ATP11A: variants seen among roughly 807,000 people sequenced by gnomAD.
The protein encoded by ATP11A is ATPase phospholipid transporting 11A, also known as phospholipid-transporting ATPase IH.
Under a neutral mutation model 154.4 loss-of-function variants are expected in ATP11A, and 81 were observed. That is an observed-to-expected ratio of 0.52 (90% CI 0.44 to 0.63). The LOEUF (loss-of-function observed/expected upper bound fraction) is 0.63, where lower values mean the gene tolerates loss of function less well. ATP11A is among the 30% of genes least tolerant of loss of function. ATP11A has a pLI of 0.00. For synonymous variants in ATP11A, 623 were observed against 585.9 expected (o/e 1.06, Z -0.91); for missense variants, 1,316 against 1,474.3 (o/e 0.89, Z 1.76).
intron 1 of ATP11A, among the ~76,000 whole-genome samples, chr13:112,743,635 T>A (rs1162364590): frequency 1.1e-4 from 17 of 152,184 alleles, no homozygotes; most frequent in Admixed American, 1.1e-3. Flanking sequence ...ACCTGTGCGA[T>A]GTTGCAGGTT....
chr13:112,771,110 A>T (rs1003963273), intron 1 of ATP11A, among the ~76,000 whole-genome samples: 13 of 152,178 alleles, frequency 8.5e-5, no homozygotes, highest in South Asian at 4.1e-4. Context: ...GCCTATTTTT[A>T]AAAAATCTCC....
chr13:112,780,166 A>G (rs374801771), intron 1 of ATP11A, among the ~76,000 whole-genome samples: 17 of 152,246 alleles, frequency 1.1e-4, no homozygotes, highest in African/African-American at 4.1e-4. Flanking sequence ...TTACTGAGGT[A>G]TAATTCACAT....
chr13:112,875,005 T>C lies in ATP11A; in HGVS notation c.3162-771T>C, dbSNP rs1164968080. Among the ~76,000 whole-genome samples the C allele has an allele frequency of 1.3e-5, 2 of 152,190 alleles. No homozygotes were observed. Among genetic ancestry groups the C allele is most frequent in the Non-Finnish European group, 2.9e-5 (2 of 68,028 alleles). ...TCTTTGATGTGCTGGGAGCTCACCATGTCACCACCGCTTGGTGATGAGACC... is the reference window on the plus strand; with the variant it reads ...TCTTTGATGTGCTGGGAGCTCACCACGTCACCACCGCTTGGTGATGAGACC... On this transcript the variant is annotated intron_variant, in intron 27 of 29. Coordinates refer to ENST00000375645, the MANE Select transcript of ATP11A (RefSeq NM_015205.3). The surrounding 1 kb of genome is among the most constrained non-coding windows in gnomAD (Gnocchi z 4.1).
At chr13:112,770,840 C>T (rs2077208950) in intron 1 of ATP11A, among the ~76,000 whole-genome samples, 1 of 152,224 alleles carries the variant, frequency 6.6e-6, no homozygotes, top group Non-Finnish European at 1.5e-5. Context: ...CCACGATCTT[C>T]TGACCATCAA....
rs1243958361 is a variant in ATP11A at position 112,885,462 on chromosome 13, CAT to C, written c.*3597_*3598del. On this transcript the variant is annotated 3_prime_UTR_variant, in exon 30 of 30. Transcript: ENST00000375645. ...TAAACACACGTGCACACATCGTACA[CAT>C]GTGAGCTCCCACACGTACACACAGA... The C allele has an allele frequency of 4.6e-5, 7 of 152,262 alleles. No homozygotes were observed. Among genetic ancestry groups the C allele is most frequent in the Non-Finnish European group, 7.3e-5 (5 of 68,082 alleles). 9.4% of individuals were successfully genotyped at this position (152,262 alleles called of 1,614,324 possible). A position where few individuals can be genotyped will look rare whatever the true frequency, so the allele number is the denominator to read the frequency against.
At chr13:112,730,406 C>T (rs1003250078) in intron 1 of ATP11A, among the ~76,000 whole-genome samples, 1 of 152,230 alleles carries the variant, frequency 6.6e-6, no homozygotes. Flanking sequence ...CTCAAAGAGC[C>T]AGCTGAGCCC....
rs761491311 is a variant in ATP11A, at chr13:112,853,549, G to T, written c.1992-730G>T. 2.0e-5 allele frequency among the ~76,000 whole-genome samples: 3 copies of T among 152,192 alleles called. 1 individual carries two copies. The highest frequency in any genetic ancestry group is 4.4e-5 in the Non-Finnish European group (3 of 68,042). On this transcript the variant is annotated intron_variant, in intron 18 of 29. Coordinates refer to ENST00000375645, the MANE Select transcript of ATP11A (RefSeq NM_015205.3). The stretch of plus-strand genomic sequence containing the variant: ...GTGAGGCAGACATGGTTTGACCCCA[G>T]ATCTCCCAAGGAGAGGGCAGTGGTC...
At chr13:112,720,517 G>A (rs1427703531) in intron 1 of ATP11A, among the ~76,000 whole-genome samples, 1 of 152,174 alleles carries the variant, frequency 6.6e-6, no homozygotes, top group Non-Finnish European at 1.5e-5. Context: ...GGAGACCGGG[G>A]CTTTATCACG....
chr13:112,882,085 G>A lies in ATP11A; in HGVS notation c.*219G>A. Reference sequence around the variant, plus strand: ...TGTGATGGATGGTCCTAAGCCTGTGGAGACTGTGCACGTGCCTCTTCCTGG... The same window carrying A: ...TGTGATGGATGGTCCTAAGCCTGTGAAGACTGTGCACGTGCCTCTTCCTGG... On this transcript the variant is annotated 3_prime_UTR_variant, in exon 30 of 30. Coordinates refer to ENST00000375645, the MANE Select transcript of ATP11A (RefSeq NM_015205.3). The surrounding 1 kb of genome is among the most constrained non-coding windows in gnomAD (Gnocchi z 5.1). The A allele has an allele frequency of 7.3e-7, 1 of 1,364,138 alleles. No individual in the cohort carries two copies. Among genetic ancestry groups the A allele is most frequent in the Admixed American group, 1.9e-5 (1 of 52,544 alleles). 84.5% of individuals were successfully genotyped at this position (1,364,138 alleles called of 1,614,324 possible). A position where few individuals can be genotyped will look rare whatever the true frequency, so the allele number is the denominator to read the frequency against.
At chr13:112,701,662 C>T (rs1482905795) in intron 1 of ATP11A, among the ~76,000 whole-genome samples, 2 of 151,970 alleles carry the variant, frequency 1.3e-5, no homozygotes, top group African/African-American at 4.8e-5. Context: ...GAAACCCCGT[C>T]TTTCCTAAAA....
chr13:112,831,930 CAG>C (rs2079099906), intron 13 of ATP11A, among the ~76,000 whole-genome samples: 1 of 142,210 alleles, frequency 7.0e-6, no homozygotes, highest in African/African-American at 2.9e-5. Flanking sequence ...TGTGCACACA[CAG>C]ACACACATGC....
chr13:112,834,780 T>A, intron 15 of ATP11A, 120 bp downstream of exon 15: 1 of 750,290 alleles, frequency 1.3e-6, no homozygotes, highest in Non-Finnish European at 2.2e-6. Flanking sequence ...TCGCTTCCTC[T>A]CCTTCCCAGT....
chr13:112,780,062 A>T (rs941344118), intron 1 of ATP11A, among the ~76,000 whole-genome samples: 8 of 151,932 alleles, frequency 5.3e-5, no homozygotes, highest in Admixed American at 5.3e-4. Context: ...TGCCAAGGTG[A>T]CTGTTAGGTT....
chr13:112,869,139 G>A (rs2080431432), intron 25 of ATP11A, among the ~76,000 whole-genome samples: 1 of 152,178 alleles, frequency 6.6e-6, no homozygotes, highest in African/African-American at 2.4e-5. Flanking sequence ...CCCACTTCAG[G>A]CCACCAAGGG....
intron 12 of ATP11A, among the ~76,000 whole-genome samples, chr13:112,831,115 G>T (rs1237753848): frequency 1.3e-5 from 2 of 152,288 alleles, no homozygotes; most frequent in East Asian, 1.9e-4. Context: ...ACCCAGAGAA[G>T]GTATCCCGAG....
chr13:112,861,445 C>T (rs1033419746), intron 24 of ATP11A, among the ~76,000 whole-genome samples: 3 of 152,314 alleles, frequency 2.0e-5, no homozygotes, highest in African/African-American at 7.2e-5. Flanking sequence ...ATGTTGGTGC[C>T]GTTCACCCGT....
Position 112,886,443 on chromosome 13 carries a change from C to CTT in ATP11A, c.*4578_*4579dup, listed in dbSNP as rs1435855690. 6.6e-6 allele frequency: 1 copy of CTT among 152,196 alleles called. No individual in the cohort carries two copies. Among genetic ancestry groups the CTT allele is most frequent in the Non-Finnish European group, 1.5e-5 (1 of 68,032 alleles). The allele number at this position is 152,196 out of a possible 1,614,324, so 9.4% of individuals were successfully genotyped here. A position where few individuals can be genotyped will look rare whatever the true frequency, so the allele number is the denominator to read the frequency against. ...TATTTGACAACTCAGTGTCTAACAG[C>CTT]TTGATATGCAGGTCCTTGCATCCTA... is the stretch of plus-strand genomic sequence containing the variant. On this transcript the variant is annotated 3_prime_UTR_variant, in exon 30 of 30. Transcript: ENST00000375645.
chr13:112,804,730 T>G (rs530255833), intron 2 of ATP11A, among the ~76,000 whole-genome samples: 2 of 152,226 alleles, frequency 1.3e-5, no homozygotes, highest in South Asian at 4.1e-4. Flanking sequence ...TTGCGTTTTA[T>G]CTTGAATTCT....
chr13:112,796,444 G>A (rs1439483138), intron 2 of ATP11A, among the ~76,000 whole-genome samples: 2 of 152,198 alleles, frequency 1.3e-5, no homozygotes, highest in African/African-American at 2.4e-5. Flanking sequence ...GAAGAGGGAG[G>A]CAGAACAGAC....
Sources: gnomAD v4.1 joint callset for allele counts (sites outside exome capture counted in the v4.1 genomes callset) on GRCh38, gnomAD v4.1.1 for gene constraint, Gnocchi (gnomAD v3.1) non-coding constraint, MANE v1.5 for transcripts, NCBI Gene and HGNC (gene_info 2026-07-23, HGNC 2026-07-21) for gene names.